ROBO2: variants seen among roughly 807,000 people sequenced by gnomAD.
ROBO2 encodes roundabout guidance receptor 2, also known as roundabout homolog 2.
Under a neutral mutation model 160.8 loss-of-function variants are expected in ROBO2, and 53 were observed. That is an observed-to-expected ratio of 0.33 (90% CI 0.26 to 0.41). ROBO2 has a LOEUF of 0.41. Among genes scored for constraint, ROBO2 ranks in the 10% least tolerant of loss-of-function variants. The probability of loss-of-function intolerance (pLI) is 1.00; values close to 1 mark genes in which losing one functional copy is unlikely to be tolerated. For synonymous variants in ROBO2, 664 were observed against 611.7 expected (o/e 1.09, Z -1.26); for missense variants, 1,577 against 1,722.4 (o/e 0.92, Z 1.49).
chr3:76,837,194 T>A (rs1302163067), intron 2 of ROBO2, among the ~76,000 whole-genome samples: 1 of 151,850 alleles, frequency 6.6e-6, no homozygotes, highest in Non-Finnish European at 1.5e-5. Context: ...GAACAGTCAG[T>A]TTAAGAAGGT....
At chr3:76,640,628 T>TGTGG (rs1422440448) in intron 2 of ROBO2, among the ~76,000 whole-genome samples, 2 of 144,366 alleles carry the variant, frequency 1.4e-5, no homozygotes, top group African/African-American at 2.5e-5. Context: ...TGTGTGTGTG[T>TGTGG]GGCCGGGGGA....
chr3:76,237,731 G>GA (rs964692134), intron 2 of ROBO2, among the ~76,000 whole-genome samples: 3 of 152,008 alleles, frequency 2.0e-5, no homozygotes, highest in African/African-American at 7.2e-5. Flanking sequence ...AAAGAAATAG[G>GA]AAAAAAATAA....
At chr3:76,678,341 T>A (rs1248171731) in intron 2 of ROBO2, among the ~76,000 whole-genome samples, 3 of 152,134 alleles carry the variant, frequency 2.0e-5, no homozygotes, top group African/African-American at 7.2e-5. Flanking sequence ...GGCAGATAGC[T>A]GGTGTAGTTT....
At chr3:76,419,545 A>AATT (rs2075902357) in intron 2 of ROBO2, among the ~76,000 whole-genome samples, 1 of 152,138 alleles carries the variant, frequency 6.6e-6, no homozygotes, top group Non-Finnish European at 1.5e-5. Context: ...GATCTTCTAA[A>AATT]TGAACTACCT....
intron 2 of ROBO2, among the ~76,000 whole-genome samples, chr3:76,653,102 C>A (rs2091327307): frequency 6.6e-6 from 1 of 151,638 alleles, no homozygotes; most frequent in South Asian, 2.1e-4. Flanking sequence ...TTACATATAC[C>A]AAATTACACC....
chr3:77,085,321 TAA>T (rs773760325), intron 1 of ROBO2, among the ~76,000 whole-genome samples: 2 of 152,140 alleles, frequency 1.3e-5, no homozygotes, highest in Non-Finnish European at 2.9e-5. Context: ...AAATTTTCTA[TAA>T]GATTCTATAA....
intron 2 of ROBO2, among the ~76,000 whole-genome samples, chr3:76,701,842 G>T (rs2093050477): frequency 8.8e-6 from 1 of 113,028 alleles, no homozygotes; most frequent in Admixed American, 9.1e-5. Context: ...GTAGTGTGTA[G>T]CAGTCTAAAA....
intron 2 of ROBO2, among the ~76,000 whole-genome samples, chr3:76,340,571 T>C (rs914080470): frequency 6.6e-6 from 1 of 152,188 alleles, no homozygotes; most frequent in Admixed American, 6.6e-5. Context: ...TATCTCAACA[T>C]TTTATAAGCA....
At chr3:76,650,400 A>G (rs1425442308) in intron 2 of ROBO2, among the ~76,000 whole-genome samples, 1 of 151,798 alleles carries the variant, frequency 6.6e-6, no homozygotes, top group East Asian at 1.9e-4. Flanking sequence ...TCTGTGTAGC[A>G]TTCTCTGGCT....
intron 2 of ROBO2, among the ~76,000 whole-genome samples, chr3:76,206,630 C>T (rs1410697383): frequency 2.0e-5 from 3 of 152,188 alleles, no homozygotes; most frequent in Non-Finnish European, 2.9e-5. Flanking sequence ...CGAGAGCCCC[C>T]TTCACCACTG....
At chr3:76,769,633 T>A (rs552340342) in intron 2 of ROBO2, among the ~76,000 whole-genome samples, 1 of 151,588 alleles carries the variant, frequency 6.6e-6, no homozygotes, top group Non-Finnish European at 1.5e-5. Flanking sequence ...GTAATCTACT[T>A]TTAAATTTGC....
chr3:77,128,845 CCAGT>C (rs1367980334), intron 2 of ROBO2, among the ~76,000 whole-genome samples: 1 of 152,146 alleles, frequency 6.6e-6, no homozygotes, highest in Non-Finnish European at 1.5e-5. Flanking sequence ...AGTAGAATTA[CCAGT>C]CAGTGAGTAT....
intron 2 of ROBO2, among the ~76,000 whole-genome samples, chr3:77,000,753 A>C (rs2061295603): frequency 6.6e-6 from 1 of 152,192 alleles, no homozygotes; most frequent in South Asian, 2.1e-4. Flanking sequence ...TGAATATAAG[A>C]AAGTGGAATG....
intron 2 of ROBO2, among the ~76,000 whole-genome samples, chr3:77,218,317 G>T (rs528605867): frequency 1.3e-4 from 19 of 151,266 alleles, no homozygotes; most frequent in Non-Finnish European, 8.8e-5. Context: ...AATTTTTCTC[G>T]ATCCTTAGGC....
intron 2 of ROBO2, among the ~76,000 whole-genome samples, chr3:76,482,194 CT>C (rs1247162873): frequency 2.6e-5 from 4 of 152,090 alleles, no homozygotes; most frequent in African/African-American, 9.7e-5. Flanking sequence ...TTCATGTCAT[CT>C]TTTCAAACAC....
intron 2 of ROBO2, among the ~76,000 whole-genome samples, chr3:76,313,193 A>G (rs2071721771): frequency 6.6e-6 from 1 of 152,170 alleles, no homozygotes; most frequent in Admixed American, 6.5e-5. Context: ...CTTTAAAATT[A>G]TTTCCTTTTT....
chr3:76,239,354 G>GTA (rs1274680433), intron 2 of ROBO2, among the ~76,000 whole-genome samples: 3 of 19,364 alleles, frequency 1.5e-4, no homozygotes, highest in Non-Finnish European at 1.3e-3. Context: ...TATAGAATAC[G>GTA]TATATGTATA....
chr3:77,647,353 G>A (rs1325580495), exon 26 of ROBO2: 1 of 151,818 alleles, frequency 6.6e-6, no homozygotes, highest in Non-Finnish European at 1.5e-5. Flanking sequence ...TAGATTTATT[G>A]GAATAAATAT....
At chr3:76,164,887 A>G (rs879620712) in intron 2 of ROBO2, among the ~76,000 whole-genome samples, 1 of 152,170 alleles carries the variant, frequency 6.6e-6, no homozygotes, top group African/African-American at 2.4e-5. Context: ...CACTGGAACC[A>G]TGCCACAGAG....
Sources: gnomAD v4.1 joint callset for allele counts (sites outside exome capture counted in the v4.1 genomes callset) on GRCh38, gnomAD v4.1.1 for gene constraint, MANE v1.5 for transcripts, NCBI Gene and HGNC (gene_info 2026-07-23, HGNC 2026-07-21) for gene names.